RAB27B: variants seen among roughly 807,000 people sequenced by gnomAD.
RAB27B encodes ras-related protein Rab-27B.
Under a neutral mutation model 24.6 loss-of-function variants are expected in RAB27B, and 15 were observed. The observed-to-expected ratio is 0.61, with a 90% confidence interval of 0.41 to 0.94. The LOEUF (loss-of-function observed/expected upper bound fraction) is 0.94. Among genes scored for constraint, RAB27B ranks in the 40% least tolerant of loss-of-function variants. The pLI is 0.00. For synonymous variants in RAB27B, 105 were observed against 92.5 expected, an observed-to-expected ratio of 1.14 and a Z score of -0.78; for missense variants, 261 against 266.8, an observed-to-expected ratio of 0.98 and a Z score of 0.15.
chr18:54,738,874 G>A (rs28578327), intron 2 of RAB27B, among the ~76,000 whole-genome samples: 9,735 of 152,130 alleles, frequency 0.064, 400 homozygotes, highest in African/African-American at 0.092. Context: ...TGAGTCTTGA[G>A]AAATGTATAT....
At chr18:54,834,303 A>T (rs1026064772) in intron 1 of RAB27B, among the ~76,000 whole-genome samples, 6 of 152,192 alleles carry the variant, frequency 3.9e-5, no homozygotes, top group Non-Finnish European at 7.3e-5. Flanking sequence ...TAGAAAGGAG[A>T]TATAGACTTC....
chr18:54,889,298 T>A lies in RAB27B; in HGVS notation c.542T>A (p.Ile181Asn). 1 of 1,613,418 alleles carries A rather than the reference T, an allele frequency of 6.2e-7. No homozygotes were observed. The highest frequency in any genetic ancestry group is 8.5e-7 in the Non-Finnish European group (1 of 1,179,498). Residue 181 changes from isoleucine to asparagine, a missense_variant, in exon 6 of 6, where the codon ATC (isoleucine) becomes AAC (asparagine). By Grantham distance (149) the Ile-to-Asn change is moderately radical (BLOSUM62 -3). Coordinates refer to ENST00000262094, the MANE Select transcript of RAB27B (RefSeq NM_004163.4). ...GCTGTAGAAACCCTTTTGGACTTAATCATGAAGCGAATGGAACAGTGTGTG... is the reference window on the plus strand; with the variant it reads ...GCTGTAGAAACCCTTTTGGACTTAAACATGAAGCGAATGGAACAGTGTGTG... ...EKAVETLLDL[I>N]MKRMEQCVEK...
In RAB27B at chr18:54,846,720, G is replaced by A. The variant is rs143866395; in HGVS notation, c.-20+18020G>A. Among the ~76,000 whole-genome samples the A allele has an allele frequency of 8.5e-5, 13 of 152,292 alleles. 1 individual carries two copies. The highest frequency in any genetic ancestry group is 3.1e-4 in the African/African-American group (13 of 41,550). On this transcript the variant is annotated intron_variant, in intron 1 of 5. Coordinates refer to ENST00000262094, the MANE Select transcript of RAB27B (RefSeq NM_004163.4). ...GCTAAAGCAAATATATCAGATTTTT[G>A]GGAGAGACACATTTTTGTTTTCTAT...
chr18:54,860,752 A>T (rs955641128), intron 1 of RAB27B, among the ~76,000 whole-genome samples: 22 of 152,240 alleles, frequency 1.4e-4, no homozygotes, highest in African/African-American at 4.8e-4. Flanking sequence ...GAAAGTTCCA[A>T]GTCAGAGATT....
intron 2 of RAB27B, among the ~76,000 whole-genome samples, chr18:54,820,104 G>T (rs775656698): frequency 3.3e-5 from 5 of 152,128 alleles, no homozygotes; most frequent in Non-Finnish European, 5.9e-5. Flanking sequence ...CTTTATAGCA[G>T]CACGATTTAT....
chr18:54,843,402 A>G (rs747795859), intron 1 of RAB27B, among the ~76,000 whole-genome samples: 2 of 151,994 alleles, frequency 1.3e-5, no homozygotes, highest in Non-Finnish European at 2.9e-5. Flanking sequence ...TATTAAGAAG[A>G]TGCTTCTTTC....
rs573092406 is a variant in RAB27B at position 54,893,555 on chromosome 18, G to T, written c.*4142G>T. ...TTTCTTCTGGATCTTTGACCAAGGT[G>T]ATGTCAGCTTATTTCTGGGGAAGGT... is the stretch of plus-strand genomic sequence containing the variant. On this transcript the variant is annotated 3_prime_UTR_variant, in exon 6 of 6. Coordinates refer to ENST00000262094, the MANE Select transcript of RAB27B (RefSeq NM_004163.4). 7 of 152,138 alleles carry T rather than the reference G, an allele frequency of 4.6e-5. No homozygotes were observed. The highest frequency in any genetic ancestry group is 1.7e-4 in the African/African-American group (7 of 41,548). The allele number at this position is 152,138 out of a possible 1,614,324, so 9.4% of individuals were successfully genotyped here. A position where few individuals can be genotyped will look rare whatever the true frequency, so the allele number is the denominator to read the frequency against.
chr18:54,830,173 C>A (rs1049891477), intron 1 of RAB27B, among the ~76,000 whole-genome samples: 2 of 152,086 alleles, frequency 1.3e-5, no homozygotes, highest in African/African-American at 2.4e-5. Context: ...GGGAAGGTAA[C>A]CCTAATATAA....
At chr18:54,823,556 G>A (rs966088977), upstream of RAB27B, among the ~76,000 whole-genome samples, 3 of 152,128 alleles carry the variant, frequency 2.0e-5, no homozygotes, top group African/African-American at 7.2e-5. Context: ...TACAAATGCT[G>A]GTTTTCTCTT....
intron 2 of RAB27B, among the ~76,000 whole-genome samples, chr18:54,724,863 GA>G (rs1414955023): frequency 6.6e-6 from 1 of 151,658 alleles, no homozygotes; most frequent in Non-Finnish European, 1.5e-5. Context: ...AGGATGAACA[GA>G]GGATATTTTG....
chr18:54,813,722 A>G (rs1473164881), intron 2 of RAB27B, among the ~76,000 whole-genome samples: 1 of 152,230 alleles, frequency 6.6e-6, no homozygotes, highest in African/African-American at 2.4e-5. Context: ...GTATTCGTTT[A>G]CAGCAACATA....
intron 2 of RAB27B, among the ~76,000 whole-genome samples, chr18:54,783,727 G>T (rs1481816352): frequency 1.3e-5 from 2 of 152,268 alleles, no homozygotes; most frequent in Non-Finnish European, 2.9e-5. Context: ...CTCCTCTCTT[G>T]TCCCTGCTTC....
chr18:54,744,145 G>A (rs1478024591), intron 2 of RAB27B, among the ~76,000 whole-genome samples: 1 of 152,182 alleles, frequency 6.6e-6, no homozygotes, highest in African/African-American at 2.4e-5. Flanking sequence ...ATTGGAAAGT[G>A]TGTGAGCCAT....
chr18:54,778,010 G>C (rs542182198), intron 2 of RAB27B, among the ~76,000 whole-genome samples: 10 of 152,248 alleles, frequency 6.6e-5, no homozygotes, highest in African/African-American at 2.2e-4. Flanking sequence ...AGAACTCAAC[G>C]TACAAGTGAA....
chr18:54,718,476 T>C (rs1909258870), intron 2 of RAB27B, among the ~76,000 whole-genome samples: 1 of 152,208 alleles, frequency 6.6e-6, no homozygotes, highest in Admixed American at 6.5e-5. Flanking sequence ...TTCTAATCAT[T>C]GCCATGGTGC....
upstream of RAB27B, among the ~76,000 whole-genome samples, chr18:54,823,869 T>G (rs1281670023): frequency 6.6e-6 from 1 of 152,226 alleles, no homozygotes; most frequent in Non-Finnish European, 1.5e-5. Flanking sequence ...AGGTAATACA[T>G]CTCATAATTT....
At chr18:54,875,115 G>C (rs1912640878) in intron 1 of RAB27B, among the ~76,000 whole-genome samples, 1 of 152,094 alleles carries the variant, frequency 6.6e-6, no homozygotes, top group African/African-American at 2.4e-5. Context: ...TTGAGCCCAG[G>C]AGTTTGAAAC....
intron 2 of RAB27B, among the ~76,000 whole-genome samples, chr18:54,815,094 T>C (rs748295869): frequency 6.6e-6 from 1 of 152,164 alleles, no homozygotes; most frequent in African/African-American, 2.4e-5. Flanking sequence ...GCCATAGATA[T>C]ATCTGTGCTT....
rs114336512 is a variant in RAB27B at position 54,737,231 on chromosome 18, G to T, written c.-20+19090G>T. The stretch of plus-strand genomic sequence containing the variant: ...CTCTGGGTTGTCTTATGCACACAAG[G>T]CTTCTTCCCTGGATGGGTTAAGAGT... On this transcript the variant is annotated intron_variant, in intron 2 of 4. Transcript: ENST00000586570. 6.0e-3 allele frequency among the ~76,000 whole-genome samples: 906 copies of T among 152,218 alleles called. 3 individuals carry two copies. The highest frequency in any genetic ancestry group is 0.021 in the African/African-American group (882 of 41,540).
Sources: allele counts gnomAD v4.1 joint callset (sites outside exome capture counted in the v4.1 genomes callset), GRCh38; gene constraint gnomAD v4.1.1; transcripts MANE v1.5; gene names NCBI Gene and HGNC (gene_info 2026-07-23, HGNC 2026-07-21).